The following HNF4G variants were observed in gnomAD, a reference collection of about 807,000 sequenced individuals.
The protein encoded by HNF4G is hepatocyte nuclear factor 4-gamma.
A neutral mutation model predicts 50.9 loss-of-function variants in HNF4G; 21 were observed. The ratio of observed to expected loss-of-function variants is 0.41; its 90% CI spans 0.29 to 0.59. The LOEUF (loss-of-function observed/expected upper bound fraction) is 0.59. Ranked by LOEUF, HNF4G falls within the 20% of genes least tolerant of loss-of-function variation. The pLI is 0.26. For synonymous variants in HNF4G, 198 were observed against 185.6 expected (o/e 1.07, Z -0.54); for missense variants, 527 against 559.4 (o/e 0.94, Z 0.58).
chr8:75,503,188 C>T (rs1462264906), intron 2 of HNF4G, among the ~76,000 whole-genome samples: 2 of 152,126 alleles, frequency 1.3e-5, no homozygotes, highest in African/African-American at 4.8e-5. Flanking sequence ...AGAGAGCAGA[C>T]TTTGACATTA....
chr8:75,428,602 G>T (rs1037734545), intron 1 of HNF4G, among the ~76,000 whole-genome samples: 1 of 152,198 alleles, frequency 6.6e-6, no homozygotes, highest in Non-Finnish European at 1.5e-5. Context: ...ATATCTAAAT[G>T]ATGAGTGAAA....
intron 1 of HNF4G, among the ~76,000 whole-genome samples, chr8:75,485,220 C>G (rs1304127435): frequency 1.3e-5 from 2 of 152,012 alleles, no homozygotes; most frequent in African/African-American, 4.8e-5. Context: ...TTCACAAATT[C>G]CCTATACCAA....
chr8:75,529,171 G>A (rs1349370425), intron 2 of HNF4G, among the ~76,000 whole-genome samples: 3 of 152,036 alleles, frequency 2.0e-5, no homozygotes, highest in Non-Finnish European at 4.4e-5. Context: ...GGCGCCTGTA[G>A]TCCCAGCTAC....
intron 2 of HNF4G, among the ~76,000 whole-genome samples, chr8:75,530,101 C>A (rs1005820728): frequency 5.3e-5 from 8 of 152,122 alleles, no homozygotes; most frequent in South Asian, 2.1e-4. Flanking sequence ...ATATCTGGAC[C>A]TGTCCCACTC....
intron 1 of HNF4G, among the ~76,000 whole-genome samples, chr8:75,458,679 A>T (rs545192567): frequency 6.6e-6 from 1 of 152,278 alleles, no homozygotes; most frequent in Non-Finnish European, 1.5e-5. Flanking sequence ...TTACGCCTTC[A>T]TGGAAAGAAG....
chr8:75,547,610 A>G lies in HNF4G; in HGVS notation c.311A>G (p.Asp104Gly), dbSNP rs777454461. 6.2e-7 allele frequency: 1 copy of G among 1,612,000 alleles called. No individual in the cohort carries two copies. The highest frequency in any genetic ancestry group is 8.5e-7 in the Non-Finnish European group (1 of 1,178,204). ...SCRFSRQCVV[D>G]KDKRNQCRYC... The stretch of plus-strand genomic sequence containing the variant: ...AGGTTCAGTCGGCAATGTGTTGTTG[A>G]CAAGGACAAAAGGAATCAATGTAGA... The change falls in exon 3 of 10, where the codon GAC (aspartate) becomes GGC (glycine). Residue 104 changes from aspartate to glycine, a missense_variant. This residue lies in a region of HNF4G where 128 missense variants were observed against 135.3 expected (regional missense o/e 0.95). Transcript: ENST00000396423.
chr8:75,496,534 A>G (rs1355889284), intron 2 of HNF4G, among the ~76,000 whole-genome samples: 1 of 152,134 alleles, frequency 6.6e-6, no homozygotes, highest in African/African-American at 2.4e-5. Context: ...AGCCACCAGA[A>G]TTCTCCATCT....
chr8:75,560,229 A>G, intron 8 of HNF4G, 115 bp from the exon 9 acceptor site: 3 of 1,073,152 alleles, frequency 2.8e-6, no homozygotes, highest in South Asian at 2.8e-5. Flanking sequence ...GAATTCCCAA[A>G]AAGCACTTGG....
chr8:75,459,631 T>A (rs1221422254), intron 1 of HNF4G, among the ~76,000 whole-genome samples: 1 of 152,212 alleles, frequency 6.6e-6, no homozygotes, highest in Non-Finnish European at 1.5e-5. Flanking sequence ...CTCTGCTATA[T>A]CCTCATGTGA....
chr8:75,469,022 T>C, intron 1 of HNF4G, among the ~76,000 whole-genome samples: 1 of 152,208 alleles, frequency 6.6e-6, no homozygotes, highest in East Asian at 1.9e-4. Flanking sequence ...TGATATTTTA[T>C]TTTTATACTT....
chr8:75,504,259 ACACACACACAC>A (rs1563532182), intron 2 of HNF4G, among the ~76,000 whole-genome samples: 52 of 149,454 alleles, frequency 3.5e-4, no homozygotes, highest in African/African-American at 9.6e-4. Context: ...ACACACACAC[ACACACACACAC>A]ACACACCAAA....
At chr8:75,526,753 C>T (rs1263994722) in intron 2 of HNF4G, among the ~76,000 whole-genome samples, 4 of 143,826 alleles carry the variant, frequency 2.8e-5, no homozygotes, top group Non-Finnish European at 6.1e-5. Flanking sequence ...TTCAGTTGCC[C>T]AGGTTAACAA....
At chr8:75,559,173 A>G (rs1807226393) in intron 8 of HNF4G, 136 bp downstream of exon 8, 2 of 663,404 alleles carry the variant, frequency 3.0e-6, no homozygotes, top group Non-Finnish European at 2.7e-6. Flanking sequence ...TCCTTCTGCT[A>G]TGACATAATG....
At chr8:75,512,662 C>T (rs934497799) in intron 2 of HNF4G, among the ~76,000 whole-genome samples, 1 of 151,870 alleles carries the variant, frequency 6.6e-6, no homozygotes, top group Admixed American at 6.6e-5. Flanking sequence ...GATGGGGTTT[C>T]ACTGTGTTAG....
chr8:75,494,539 G>A (rs1476713197), intron 2 of HNF4G, among the ~76,000 whole-genome samples: 1 of 151,946 alleles, frequency 6.6e-6, no homozygotes, highest in African/African-American at 2.4e-5. Flanking sequence ...TGTTTTTATT[G>A]AACGTAATAA....
At chr8:75,502,566 T>C (rs1235888801) in intron 2 of HNF4G, among the ~76,000 whole-genome samples, 1 of 152,204 alleles carries the variant, frequency 6.6e-6, no homozygotes, top group Non-Finnish European at 1.5e-5. Flanking sequence ...CGCCTCATCC[T>C]GTACAAATAA....
At chr8:75,418,795 T>G (rs2130482766) in intron 1 of HNF4G, among the ~76,000 whole-genome samples, 1 of 146,958 alleles carries the variant, frequency 6.8e-6, no homozygotes, top group Non-Finnish European at 1.5e-5. Flanking sequence ...TGGCACGATC[T>G]CAGCTCACCG....
At chr8:75,430,474 TAGAGAGAGAG>T (rs66481707) in intron 1 of HNF4G, among the ~76,000 whole-genome samples, 3 of 136,044 alleles carry the variant, frequency 2.2e-5, no homozygotes, top group South Asian at 2.3e-4. Context: ...GGGTAGGGAG[TAGAGAGAGAG>T]AGAGAGAGAG....
chr8:75,431,144 C>G (rs72658089), intron 1 of HNF4G, among the ~76,000 whole-genome samples: 5 of 151,962 alleles, frequency 3.3e-5, no homozygotes, highest in Non-Finnish European at 7.4e-5. Flanking sequence ...GAAGATAGAT[C>G]TGAGAAAATT....
Sources: allele counts gnomAD v4.1 joint callset (sites outside exome capture counted in the v4.1 genomes callset), GRCh38; gene constraint gnomAD v4.1.1; regional missense constraint gnomAD v4.1.1; transcripts MANE v1.5; gene names NCBI Gene and HGNC (gene_info 2026-07-23, HGNC 2026-07-21).